Variants in RBPJ observed in about 807,000 individuals in gnomAD.
The protein encoded by RBPJ is recombination signal binding protein for immunoglobulin kappa J region, also known as recombining binding protein suppressor of hairless.
RBPJ carries 9 observed loss-of-function variants against 67.8 expected under a neutral mutation model. The observed-to-expected ratio is 0.13, with a 90% confidence interval of 0.08 to 0.23. The LOEUF is 0.23. Ranked by LOEUF, RBPJ falls within the 10% of genes least tolerant of loss-of-function variation. RBPJ has a pLI of 1.00. For synonymous variants in RBPJ, 198 were observed against 203.3 expected (o/e 0.97, Z 0.22); for missense variants, 305 against 595.6 (o/e 0.51, Z 5.08).
At chr4:26,269,207 TTTTA>T (rs572523495) in intron 1 of RBPJ, among the ~76,000 whole-genome samples, 3 of 150,488 alleles carry the variant, frequency 2.0e-5, no homozygotes, top group Non-Finnish European at 3.0e-5. Flanking sequence ...TATTATTTTA[TTTTA>T]TTTATTTATT....
intron 1 of RBPJ, among the ~76,000 whole-genome samples, chr4:26,192,691 C>T (rs1028795226): frequency 1.3e-5 from 2 of 152,162 alleles, no homozygotes; most frequent in East Asian, 1.9e-4. Context: ...CATGCAAACC[C>T]GGGAAGCCTG....
intron 1 of RBPJ, among the ~76,000 whole-genome samples, chr4:26,226,016 G>A (rs887024205): frequency 1.3e-5 from 2 of 151,924 alleles, no homozygotes; most frequent in Non-Finnish European, 2.9e-5. Context: ...AGGCATGATG[G>A]TGGTTGCCTG....
At chr4:26,328,730 G>C in intron 1 of RBPJ, among the ~76,000 whole-genome samples, 1 of 152,162 alleles carries the variant, frequency 6.6e-6, no homozygotes, top group East Asian at 1.9e-4. Flanking sequence ...CTGGGCTCAA[G>C]GGATCCTCCT....
chr4:26,164,310 A>G (rs1716180085), intron 1 of RBPJ, among the ~76,000 whole-genome samples: 3 of 152,252 alleles, frequency 2.0e-5, no homozygotes, highest in Admixed American at 2.0e-4. Context: ...TATACATTAC[A>G]ATAGTATGTA....
chr4:26,250,534 T>C (rs1720077019), intron 1 of RBPJ, among the ~76,000 whole-genome samples: 1 of 152,126 alleles, frequency 6.6e-6, no homozygotes, highest in Non-Finnish European at 1.5e-5. Flanking sequence ...GGTTTCGCCA[T>C]GTTGGCCAGG....
intron 1 of RBPJ, among the ~76,000 whole-genome samples, chr4:26,370,924 C>CA (rs1729095417): frequency 6.6e-6 from 1 of 151,622 alleles, no homozygotes; most frequent in African/African-American, 2.4e-5. Flanking sequence ...ACTAAAAATA[C>CA]AAAAAATTAG....
intron 1 of RBPJ, among the ~76,000 whole-genome samples, chr4:26,284,594 G>A (rs141547654): frequency 1.0e-3 from 158 of 151,710 alleles, no homozygotes; most frequent in African/African-American, 3.5e-3. Context: ...TCAGTCTCTC[G>A]AGTAGCTGGG....
intron 1 of RBPJ, among the ~76,000 whole-genome samples, chr4:26,231,616 T>A (rs1719288723): frequency 6.6e-6 from 1 of 152,056 alleles, no homozygotes; most frequent in Non-Finnish European, 1.5e-5. Flanking sequence ...TTCACCATGT[T>A]GGCCAGGCTA....
the RBPJ span, among the ~76,000 whole-genome samples, chr4:26,142,793 A>G: frequency 1.3e-5 from 2 of 152,044 alleles, no homozygotes; most frequent in Non-Finnish European, 2.9e-5. Context: ...TGTGTGAGAG[A>G]GAGAGAGAGA....
chr4:26,321,723 G>T (rs116577984), intron 1 of RBPJ: 1,595 of 152,392 alleles, frequency 0.01, 15 homozygotes, highest in Non-Finnish European at 0.016. Context: ...CCGAGGCTTT[G>T]TCTCCCCCAT....
chr4:26,130,263 A>G, the RBPJ span, among the ~76,000 whole-genome samples: 1 of 152,196 alleles, frequency 6.6e-6, no homozygotes, highest in African/African-American at 2.4e-5. Flanking sequence ...GCCAGCACAT[A>G]GTTCACCTCG....
chr4:26,277,055 A>G (rs1321562129), intron 1 of RBPJ, among the ~76,000 whole-genome samples: 3 of 151,372 alleles, frequency 2.0e-5, no homozygotes, highest in Admixed American at 6.6e-5. Flanking sequence ...CTGAGGTGGG[A>G]GGATTGCTTG....
chr4:26,122,040 C>A, the RBPJ span, among the ~76,000 whole-genome samples: 2 of 152,192 alleles, frequency 1.3e-5, no homozygotes, highest in South Asian at 4.1e-4. Context: ...TCGGTTCAGG[C>A]ATAAACTTTG....
the RBPJ span, among the ~76,000 whole-genome samples, chr4:26,155,142 A>G: frequency 1.3e-5 from 2 of 152,264 alleles, no homozygotes. Flanking sequence ...TCTTTTGGAA[A>G]GGAGGGGTGA....
At chr4:26,334,195 A>G (rs1275909218) in intron 1 of RBPJ, among the ~76,000 whole-genome samples, 1 of 151,308 alleles carries the variant, frequency 6.6e-6, no homozygotes, top group African/African-American at 2.4e-5. Context: ...CGCCCACCAC[A>G]ATGCCCAGCT....
upstream of RBPJ, among the ~76,000 whole-genome samples, chr4:26,161,808 G>T (rs1456646878): frequency 3.9e-5 from 6 of 152,244 alleles, no homozygotes; most frequent in Non-Finnish European, 8.8e-5. Flanking sequence ...CAGACGTCCT[G>T]TGGTAGGGAG....
chr4:26,383,817 C>T (rs946915473), intron 1 of RBPJ: 3 of 152,250 alleles, frequency 2.0e-5, no homozygotes, highest in Middle Eastern at 3.4e-3. Flanking sequence ...AATCTGTGTT[C>T]CTCAGCTACT....
intron 1 of RBPJ, among the ~76,000 whole-genome samples, chr4:26,307,251 C>G (rs193267407): frequency 1.3e-5 from 2 of 152,162 alleles, no homozygotes; most frequent in African/African-American, 4.8e-5. Flanking sequence ...TCATAGTTAC[C>G]GTCACTGTGG....
chr4:26,342,737 T>G (rs1444448684), intron 1 of RBPJ, among the ~76,000 whole-genome samples: 1 of 152,216 alleles, frequency 6.6e-6, no homozygotes, highest in Non-Finnish European at 1.5e-5. Flanking sequence ...AAAACACAGG[T>G]TGCTAGTCAT....
Sources: gnomAD v4.1 joint callset for allele counts (sites outside exome capture counted in the v4.1 genomes callset) on GRCh38, gnomAD v4.1.1 for gene constraint, MANE v1.5 for transcripts, NCBI Gene and HGNC (gene_info 2026-07-23, HGNC 2026-07-21) for gene names.